The following SUB1 variants were observed in gnomAD, a reference collection of about 807,000 sequenced individuals.
SUB1 encodes the protein activated RNA polymerase II transcriptional coactivator p15.
A neutral mutation model predicts 16.9 loss-of-function variants in SUB1; 1 was observed. The observed-to-expected ratio is 0.06, with a 90% CI of 0.02 to 0.28. The LOEUF (loss-of-function observed/expected upper bound fraction) is 0.28, where lower values mean the gene tolerates loss of function less well. Among genes scored for constraint, SUB1 ranks in the 10% least tolerant of loss-of-function variants. The probability of loss-of-function intolerance (pLI) is 1.00; values close to 1 mark genes in which losing one functional copy is unlikely to be tolerated. For synonymous variants in SUB1, 51 were observed against 46.9 expected, an observed-to-expected ratio of 1.09 and a Z score of -0.36; for missense variants, 84 against 145.2, an observed-to-expected ratio of 0.58 and a Z score of 2.16.
intron 2 of SUB1, among the ~76,000 whole-genome samples, chr5:32,588,891 C>G (rs965799319): frequency 3.3e-5 from 5 of 152,080 alleles, no homozygotes; most frequent in African/African-American, 1.2e-4. Context: ...GACCACTTGA[C>G]TAGAAGTGCC....
rs1739173378 is a variant in SUB1 at position 32,603,810 on chromosome 5, A to G, written c.*2726A>G. On this transcript the variant is annotated 3_prime_UTR_variant, in exon 5 of 5. Coordinates refer to ENST00000265073, the MANE Select transcript of SUB1 (RefSeq NM_006713.4). The stretch of plus-strand genomic sequence containing the variant: ...AAAAGTTTGAAATTTTTAAAAAGTA[A>G]AAGTACTTAAATTTAGGTATCTCTC... 2.0e-5 allele frequency: 3 copies of G among 152,222 alleles called. No individual in the cohort carries two copies. The highest frequency in any genetic ancestry group is 7.2e-5 in the African/African-American group (3 of 41,458). The allele number at this position is 152,222 out of a possible 1,614,324, so 9.4% of individuals were successfully genotyped here.
rs932340932 is a variant in SUB1, at chr5:32,603,199, T to G, written c.*2115T>G. ...TTTAAATGTGTTACTGGATATGCAG[T>G]ATACTGAAATTATTAATCAGTTTGT... On this transcript the variant is annotated 3_prime_UTR_variant, in exon 5 of 5. Transcript: ENST00000265073. 1 of 152,306 alleles carries G rather than the reference T, an allele frequency of 6.6e-6. No homozygotes were observed. The highest frequency in any genetic ancestry group is 1.5e-5 in the Non-Finnish European group (1 of 67,972). 9.4% of individuals were successfully genotyped at this position (152,306 alleles called of 1,614,324 possible). A position where few individuals can be genotyped will look rare whatever the true frequency, so the allele number is the denominator to read the frequency against.
At chr5:32,597,900 A>G (rs1579517463) in intron 3 of SUB1, 2 of 152,176 alleles carry the variant, frequency 1.3e-5, no homozygotes, top group Admixed American at 6.5e-5. Context: ...GAGAAAAATT[A>G]CATTTTACTG....
chr5:32,597,088 C>G (rs766003592), intron 3 of SUB1: 1 of 151,702 alleles, frequency 6.6e-6, no homozygotes, highest in African/African-American at 2.4e-5. Context: ...GTGGATTCCT[C>G]TTGGTTGTAG....
At position 32,601,077 on chromosome 5, in the gene SUB1, A is replaced by G; in HGVS notation, c.377A>G (p.Lys126Arg). 1 of 1,611,498 alleles carries G rather than the reference A, an allele frequency of 6.2e-7. No individual in the cohort carries two copies. Among genetic ancestry groups the G allele is most frequent in the African/African-American group, 1.3e-5 (1 of 74,974 alleles). ...TCTGACATTGATGATGCAGTAAGAA[A>G]ACTGTAAAATTCGAGCCATATAAAT... is the stretch of plus-strand genomic sequence containing the variant. ...QISDIDDAVRKL is the reference protein window; with the variant it reads ...QISDIDDAVRRL The change falls in exon 5 of 5, where the codon AAA (lysine) becomes AGA (arginine). Residue 126 changes from lysine to arginine, a missense_variant. Physicochemically the swap from Lys to Arg is conservative, Grantham distance 26 (BLOSUM62 2). Transcript: ENST00000265073.
intron 2 of SUB1, among the ~76,000 whole-genome samples, chr5:32,590,435 GT>G (rs1483365278): frequency 4.0e-5 from 6 of 150,726 alleles, no homozygotes; most frequent in Admixed American, 2.6e-4. Flanking sequence ...AAATAATGCT[GT>G]TTTTAAAACA....
At chr5:32,599,325 C>A (rs1161933909) in intron 4 of SUB1, among the ~76,000 whole-genome samples, 1 of 152,144 alleles carries the variant, frequency 6.6e-6, no homozygotes, top group Non-Finnish European at 1.5e-5. Flanking sequence ...TTTACTTGAA[C>A]AATTTTTAAA....
At chr5:32,593,697 C>CTTTTT (rs888452800) in intron 3 of SUB1, among the ~76,000 whole-genome samples, 1 of 143,436 alleles carries the variant, frequency 7.0e-6, no homozygotes, top group South Asian at 2.2e-4. Context: ...GTCATCTTTT[C>CTTTTT]TTTTTTTTTT....
At chr5:32,595,948 A>G (rs1330982369) in intron 3 of SUB1, 1 of 148,010 alleles carries the variant, frequency 6.8e-6, no homozygotes, top group Non-Finnish European at 1.5e-5. Flanking sequence ...GGTTATTTTT[A>G]TATCTTTTGT....
At chr5:32,591,817 A>G (rs1166707121) in intron 3 of SUB1, 132 bp downstream of exon 3, 2 of 1,081,350 alleles carry the variant, frequency 1.8e-6, no homozygotes, top group African/African-American at 1.7e-5. Context: ...TCTCTGCCTC[A>G]GCCTCCCGAG....
At chr5:32,590,785 T>G (rs1383475160) in intron 2 of SUB1, among the ~76,000 whole-genome samples, 1 of 131,860 alleles carries the variant, frequency 7.6e-6, no homozygotes, top group Non-Finnish European at 1.6e-5. Flanking sequence ...TTTTTTTTTT[T>G]GAGATGGAGT....
intron 2 of SUB1, among the ~76,000 whole-genome samples, chr5:32,589,261 T>A (rs370782409): frequency 2.6e-5 from 4 of 151,870 alleles, no homozygotes; most frequent in East Asian, 3.9e-4. Context: ...AAAAAAAAAA[T>A]GTTTTTGTAG....
intron 3 of SUB1, chr5:32,596,853 C>G (rs1239528549): frequency 6.6e-6 from 1 of 152,088 alleles, no homozygotes; most frequent in Non-Finnish European, 1.5e-5. Flanking sequence ...TGAGGAAAGC[C>G]TGTTCTTTTC....
chr5:32,599,421 C>CT (rs1739061405), intron 4 of SUB1, among the ~76,000 whole-genome samples: 2 of 152,174 alleles, frequency 1.3e-5, no homozygotes, highest in Admixed American at 1.3e-4. Context: ...ACAATGCTTC[C>CT]TTTTGATTCA....
chr5:32,586,652 C>A (rs547250603), intron 1 of SUB1, among the ~76,000 whole-genome samples: 1 of 151,982 alleles, frequency 6.6e-6, no homozygotes, highest in South Asian at 2.1e-4. Context: ...TAGTTATGAT[C>A]GACAGTTTCA....
intron 3 of SUB1, among the ~76,000 whole-genome samples, chr5:32,591,996 C>T (rs913915613): frequency 6.6e-6 from 1 of 152,192 alleles, no homozygotes. Context: ...CCATGCCTTG[C>T]CAAAGTTGGC....
chr5:32,588,204 A>G (rs1321271845), intron 1 of SUB1, among the ~76,000 whole-genome samples: 1 of 152,180 alleles, frequency 6.6e-6, no homozygotes, highest in Non-Finnish European at 1.5e-5. Flanking sequence ...TACCCTACCC[A>G]TAGTGTGTAA....
rs968757545 is a variant in SUB1 at position 32,602,118 on chromosome 5, C to G, written c.*1034C>G. The G allele has an allele frequency of 1.2e-5, 5 of 423,192 alleles. No individual in the cohort carries two copies. Among genetic ancestry groups the G allele is most frequent in the African/African-American group, 8.2e-5 (4 of 49,076 alleles). 26.2% of individuals were successfully genotyped at this position (423,192 alleles called of 1,614,324 possible). On this transcript the variant is annotated 3_prime_UTR_variant, in exon 5 of 5. Coordinates refer to ENST00000265073, the MANE Select transcript of SUB1 (RefSeq NM_006713.4). ...TGGCCTTTGCCCCAGTAGAACAGAC[C>G]AATGGCATTCTAGACTTGATGATAC...
chr5:32,593,144 C>G (rs992479822), intron 3 of SUB1, among the ~76,000 whole-genome samples: 3 of 152,090 alleles, frequency 2.0e-5, no homozygotes, highest in Non-Finnish European at 2.9e-5. Flanking sequence ...TCCTGAGTAA[C>G]TGGGACTACA....
Sources: allele counts gnomAD v4.1 joint callset (sites outside exome capture counted in the v4.1 genomes callset), GRCh38; gene constraint gnomAD v4.1.1; transcripts MANE v1.5; gene names NCBI Gene and HGNC (gene_info 2026-07-23, HGNC 2026-07-21).